Variants in NCAM2 observed in about 807,000 individuals in gnomAD.
NCAM2 encodes neural cell adhesion molecule 2, also known as N-CAM-2.
A neutral mutation model predicts 98.1 loss-of-function variants in NCAM2; 30 were observed. The observed-to-expected ratio is 0.31, with a 90% confidence interval of 0.23 to 0.41. The LOEUF is 0.41. Ranked by LOEUF, NCAM2 falls within the 10% of genes least tolerant of loss-of-function variation. The probability of loss-of-function intolerance (pLI) is 1.00; values close to 1 mark genes in which losing one functional copy is unlikely to be tolerated. For synonymous variants in NCAM2, 368 were observed against 342.4 expected (o/e 1.07, Z -0.83); for missense variants, 867 against 1,005.8 (o/e 0.86, Z 1.87).
chr21:21,430,494 T>C (rs1319007960), intron 11 of NCAM2, among the ~76,000 whole-genome samples: 1 of 149,476 alleles, frequency 6.7e-6, no homozygotes, highest in Non-Finnish European at 1.5e-5. Context: ...TCTGCATTCC[T>C]GGGGAGGCCT....
At chr21:21,165,082 C>T (rs2067907744) in intron 1 of NCAM2, among the ~76,000 whole-genome samples, 2 of 152,036 alleles carry the variant, frequency 1.3e-5, no homozygotes, top group Non-Finnish European at 2.9e-5. Context: ...ACTCAGAGGA[C>T]TCAGAAAGCC....
At chr21:21,065,941 A>C (rs1371270815) in intron 1 of NCAM2, among the ~76,000 whole-genome samples, 1 of 152,192 alleles carries the variant, frequency 6.6e-6, no homozygotes, top group Non-Finnish European at 1.5e-5. Flanking sequence ...TCCCCAATGC[A>C]TGGTATGTGT....
chr21:21,223,015 C>T (rs1003416397), intron 1 of NCAM2, among the ~76,000 whole-genome samples: 1 of 151,988 alleles, frequency 6.6e-6, no homozygotes, highest in Non-Finnish European at 1.5e-5. Flanking sequence ...AAACCCTCCA[C>T]CAGTAAAAAA....
chr21:21,511,002 G>A (rs1988342491), intron 16 of NCAM2, among the ~76,000 whole-genome samples: 2 of 151,932 alleles, frequency 1.3e-5, no homozygotes, highest in African/African-American at 4.8e-5. Context: ...TTACATAAAT[G>A]AGTTTATACT....
chr21:21,479,928 T>G (rs1985679177), intron 15 of NCAM2, among the ~76,000 whole-genome samples: 1 of 152,082 alleles, frequency 6.6e-6, no homozygotes, highest in Non-Finnish European at 1.5e-5. Context: ...ATTTATTAAT[T>G]TAAGAATTAT....
At chr21:21,216,944 A>T (rs1391425033) in intron 1 of NCAM2, among the ~76,000 whole-genome samples, 2 of 152,130 alleles carry the variant, frequency 1.3e-5, no homozygotes, top group Non-Finnish European at 2.9e-5. Context: ...ACCTTGGTTG[A>T]AGTTTTGTCT....
intron 1 of NCAM2, among the ~76,000 whole-genome samples, chr21:21,061,646 A>G (rs374694293): frequency 2.0e-5 from 3 of 152,166 alleles, no homozygotes; most frequent in Non-Finnish European, 2.9e-5. Flanking sequence ...AGTAAGTACT[A>G]TGACAAAATA....
rs112146882 is a variant in NCAM2 at position 21,048,138 on chromosome 21, A to G, written c.55+49520A>G. 6.0e-3 allele frequency among the ~76,000 whole-genome samples: 913 copies of G among 152,246 alleles called. 9 individuals carry two copies. Among genetic ancestry groups the G allele is most frequent in the African/African-American group, 0.02 (844 of 41,536 alleles). On this transcript the variant is annotated intron_variant, in intron 1 of 17. Coordinates refer to ENST00000400546, the MANE Select transcript of NCAM2 (RefSeq NM_004540.5). ...CACCCTTTTAAGTCCAATAAGAAACATTTTACAACCTGCTCTCTCTGAAGT... is the reference window on the plus strand; with the variant it reads ...CACCCTTTTAAGTCCAATAAGAAACGTTTTACAACCTGCTCTCTCTGAAGT...
At chr21:21,508,440 T>G (rs551113364) in intron 15 of NCAM2, among the ~76,000 whole-genome samples, 2 of 152,294 alleles carry the variant, frequency 1.3e-5, no homozygotes, top group South Asian at 4.1e-4. Flanking sequence ...AAGTTTTGAT[T>G]ATAATTTTCT....
At chr21:21,477,008 A>T (rs1405402102) in intron 14 of NCAM2, among the ~76,000 whole-genome samples, 1 of 151,322 alleles carries the variant, frequency 6.6e-6, no homozygotes, top group Non-Finnish European at 1.5e-5. Flanking sequence ...TATATGTGAA[A>T]TAAAAAAAAA....
At chr21:21,082,092 G>C (rs374624704) in intron 1 of NCAM2, among the ~76,000 whole-genome samples, 35 of 151,770 alleles carry the variant, frequency 2.3e-4, no homozygotes, top group African/African-American at 8.5e-4. Context: ...GCCGGGCGTG[G>C]TGGCAGGCGC....
chr21:21,363,884 C>G (rs2075717025), intron 8 of NCAM2, among the ~76,000 whole-genome samples: 1 of 152,010 alleles, frequency 6.6e-6, no homozygotes, highest in African/African-American at 2.4e-5. Flanking sequence ...TTCTCCTATA[C>G]ATTATTTTAT....
chr21:21,262,523 T>TA (rs1370289786), intron 1 of NCAM2, among the ~76,000 whole-genome samples: 10 of 152,124 alleles, frequency 6.6e-5, no homozygotes, highest in Non-Finnish European at 1.5e-4. Context: ...TATATTTGAC[T>TA]AACCAATGGC....
chr21:21,427,968 A>G (rs777410707), intron 11 of NCAM2, among the ~76,000 whole-genome samples: 2 of 152,194 alleles, frequency 1.3e-5, no homozygotes, highest in Non-Finnish European at 2.9e-5. Flanking sequence ...TCGCCGTCGT[A>G]CTATTCTAAT....
chr21:21,300,860 A>G, intron 5 of NCAM2, among the ~76,000 whole-genome samples: 1 of 151,874 alleles, frequency 6.6e-6, no homozygotes, highest in African/African-American at 2.4e-5. Context: ...TCCTCCTCAA[A>G]CTATCAATCT....
chr21:21,543,141 C>T lies in NCAM2; in HGVS notation c.*5184C>T, dbSNP rs1333423128. Reference sequence around the variant, plus strand: ...TATATTCTTAAGTTAGCTACCACAACGTTTTCTTATTGTTTCAATATGGTA... The same window carrying T: ...TATATTCTTAAGTTAGCTACCACAATGTTTTCTTATTGTTTCAATATGGTA... On this transcript the variant is annotated 3_prime_UTR_variant, in exon 18 of 18. Coordinates refer to ENST00000400546, the MANE Select transcript of NCAM2 (RefSeq NM_004540.5). The T allele has an allele frequency of 6.6e-6, 1 of 151,642 alleles. No individual in the cohort carries two copies. Among genetic ancestry groups the T allele is most frequent in the East Asian group, 1.9e-4 (1 of 5,168 alleles). 9.4% of individuals were successfully genotyped at this position (151,642 alleles called of 1,614,324 possible).
At chr21:21,094,051 T>A (rs1337598746) in intron 1 of NCAM2, among the ~76,000 whole-genome samples, 1 of 152,004 alleles carries the variant, frequency 6.6e-6, no homozygotes, top group Non-Finnish European at 1.5e-5. Context: ...GATATGTTCA[T>A]GTCCATGAGA....
intron 16 of NCAM2, among the ~76,000 whole-genome samples, chr21:21,527,219 C>T (rs1989375178): frequency 6.6e-6 from 1 of 151,600 alleles, no homozygotes; most frequent in South Asian, 2.1e-4. Context: ...TCAAGTGATT[C>T]TCCTGCCTCA....
At chr21:21,110,972 C>T (rs766406370) in intron 1 of NCAM2, among the ~76,000 whole-genome samples, 4 of 151,974 alleles carry the variant, frequency 2.6e-5, no homozygotes, top group African/African-American at 9.7e-5. Context: ...CATTAAAGTT[C>T]TGCTTACACA....
Sources: gnomAD v4.1 joint callset for allele counts (sites outside exome capture counted in the v4.1 genomes callset) on GRCh38, gnomAD v4.1.1 for gene constraint, MANE v1.5 for transcripts, NCBI Gene and HGNC (gene_info 2026-07-23, HGNC 2026-07-21) for gene names.